RP1: variants seen among roughly 807,000 people sequenced by gnomAD.
RP1 encodes oxygen-regulated protein 1.
In RP1, 16 loss-of-function variants were observed where a neutral mutation model predicts 14.8. The ratio of observed to expected loss-of-function variants is 1.08; its 90% CI spans 0.73 to 1.65. RP1 has a LOEUF of 1.65. Ranked by LOEUF, RP1 falls within the 40% of genes most tolerant of loss-of-function variation. The probability of loss-of-function intolerance (pLI) is 0.00; values close to 1 mark genes in which losing one functional copy is unlikely to be tolerated. For synonymous variants in RP1, 876 were observed against 883.6 expected, an observed-to-expected ratio of 0.99 and a Z score of 0.15; for missense variants, 2,631 against 2,535.0, an observed-to-expected ratio of 1.04 and a Z score of -0.81.
intron 24 of RP1, among the ~76,000 whole-genome samples, chr8:54,788,613 C>A (rs1217280667): frequency 6.6e-6 from 1 of 152,110 alleles, no homozygotes; most frequent in East Asian, 1.9e-4. Context: ...ATCCTAGGGA[C>A]AATTTAACTT....
At chr8:54,610,458 C>T (rs1037865017) in intron 1 of RP1, among the ~76,000 whole-genome samples, 1 of 152,150 alleles carries the variant, frequency 6.6e-6, no homozygotes, top group Non-Finnish European at 1.5e-5. Context: ...CAGTGCATCA[C>T]GTTTATACCT....
rs575855591 is a variant in RP1, at chr8:54,625,215, C to T, written c.1333C>T (p.Arg445Cys). The part of the protein sequence containing the change: ...IQGTQDQAKH[R>C]FYRPPTPGLR... ...GGGAACTCAAGACCAAGCAAAGCATCGTTTTTATAGGCCCCCTACACCTGG... is the reference window on the plus strand; with the variant it reads ...GGGAACTCAAGACCAAGCAAAGCATTGTTTTTATAGGCCCCCTACACCTGG... The change falls in exon 4 of 4, where the codon CGT (arginine) becomes TGT (cysteine). Residue 445 changes from arginine to cysteine, a missense_variant. Coordinates refer to ENST00000220676, the MANE Select transcript of RP1 (RefSeq NM_006269.2). The T allele has an allele frequency of 1.2e-5, 20 of 1,614,092 alleles. No homozygotes were observed. The highest frequency in any genetic ancestry group is 2.2e-5 in the South Asian group (2 of 91,068).
intron 1 of RP1, among the ~76,000 whole-genome samples, chr8:54,601,835 A>G (rs1384998710): frequency 3.9e-5 from 6 of 152,228 alleles, no homozygotes; most frequent in African/African-American, 1.4e-4. Context: ...GCCATAAAAG[A>G]TCACATATGG....
In RP1 at chr8:54,618,158, C is replaced by A. The variant is rs530354534; in HGVS notation, c.-13+1956C>A. On this transcript the variant is annotated intron_variant, in intron 1 of 3. Coordinates refer to ENST00000220676, the MANE Select transcript of RP1 (RefSeq NM_006269.2). ...GGCAACCACGTGTTGGATGCACCTT[C>A]TCTGCAAATGCTCCTCCACTGCTGG... is the stretch of plus-strand genomic sequence containing the variant. Among the ~76,000 whole-genome samples the A allele has an allele frequency of 2.6e-5, 4 of 152,326 alleles. No individual in the cohort carries two copies. The East Asian group carries it at 7.7e-4, about 29-fold the overall frequency.
At chr8:54,726,454 T>A (rs1263273852) in exon 17 of RP1, 1 of 1,530,488 alleles carries the variant, frequency 6.5e-7, no homozygotes, top group Non-Finnish European at 8.7e-7. Context: ...AGGCTAGGAG[T>A]CCCTTACCTT....
At position 54,625,344 on chromosome 8, in the gene RP1, G is replaced by T; in HGVS notation, c.1462G>T (p.Glu488Ter). 3 of 1,614,172 alleles carry T rather than the reference G, an allele frequency of 1.9e-6. No individual in the cohort carries two copies. The highest frequency in any genetic ancestry group is 2.5e-6 in the Non-Finnish European group (3 of 1,180,034). ...KMIGQFSYSEERESGENKSEY... is the reference protein window; with the variant it reads ...KMIGQFSYSE ...GATTGGACAGTTTTCATATAGTGAA[G>T]AAAGGGAAAGTGGGGAAAACAAGTC... The change falls in exon 4 of 4, where the codon GAA (glutamate) becomes TAA (stop). Residue 488 changes from glutamate (E) to a stop codon, truncating the protein, a stop_gained. Coordinates refer to ENST00000220676, the MANE Select transcript of RP1 (RefSeq NM_006269.2). LOFTEE classifies it low-confidence loss of function (END_TRUNC).
intron 12 of RP1, chr8:54,696,636 A>AATTGCCAG: frequency 1.2e-6 from 1 of 830,182 alleles, no homozygotes; most frequent in Non-Finnish European, 1.9e-6. Context: ...CATGCCTTAG[A>AATTGCCAG]ATTGCCAGAT....
At chr8:54,767,983 C>T (rs533990438) in intron 22 of RP1, among the ~76,000 whole-genome samples, 9 of 152,200 alleles carry the variant, frequency 5.9e-5, no homozygotes, top group Non-Finnish European at 1.2e-4. Flanking sequence ...TTATACCCCA[C>T]ACCTTCCCAT....
intron 1 of RP1, among the ~76,000 whole-genome samples, chr8:54,619,166 A>G (rs573967539): frequency 3.9e-5 from 6 of 152,338 alleles, no homozygotes; most frequent in African/African-American, 1.2e-4. Flanking sequence ...TGGCTTAAGT[A>G]TTATAATTAC....
intron 1 of RP1, among the ~76,000 whole-genome samples, chr8:54,600,844 G>A (rs917116787): frequency 6.6e-6 from 1 of 152,064 alleles, no homozygotes; most frequent in Non-Finnish European, 1.5e-5. Flanking sequence ...GTGTTTTTTG[G>A]TCACTGGCTT....
intron 24 of RP1, among the ~76,000 whole-genome samples, chr8:54,806,041 C>T (rs1810842596): frequency 6.6e-6 from 1 of 151,818 alleles, no homozygotes; most frequent in South Asian, 2.1e-4. Context: ...TTTTTTGAGA[C>T]AGAGTCACAC....
At chr8:54,728,479 ATGTT>A (rs1216903763) in intron 17 of RP1, among the ~76,000 whole-genome samples, 2 of 152,210 alleles carry the variant, frequency 1.3e-5, no homozygotes, top group Non-Finnish European at 2.9e-5. Flanking sequence ...GAATGAGACT[ATGTT>A]TGTCCACCCA....
intron 17 of RP1, among the ~76,000 whole-genome samples, chr8:54,728,833 A>G (rs1808723659): frequency 6.6e-6 from 1 of 152,126 alleles, no homozygotes; most frequent in Non-Finnish European, 1.5e-5. Flanking sequence ...TTAAACACAC[A>G]CAAAGGTAGA....
intron 3 of RP1, among the ~76,000 whole-genome samples, chr8:54,643,157 T>G (rs985951954): frequency 1.3e-5 from 2 of 152,204 alleles, no homozygotes; most frequent in Non-Finnish European, 2.9e-5. Flanking sequence ...TTTTACCATT[T>G]GGGTTATAAC....
chr8:54,574,228 T>C (rs1004481395), intron 1 of RP1, among the ~76,000 whole-genome samples: 13 of 152,150 alleles, frequency 8.5e-5, no homozygotes, highest in Non-Finnish European at 1.5e-5. Context: ...GCCCTGGTAG[T>C]GTACATATCA....
At chr8:54,581,320 A>G (rs1804787099) in intron 1 of RP1, among the ~76,000 whole-genome samples, 1 of 152,122 alleles carries the variant, frequency 6.6e-6, no homozygotes, top group African/African-American at 2.4e-5. Context: ...CCATGTCCCT[A>G]CGAAGGACAT....
At chr8:54,784,537 A>C (rs1390050771) in intron 24 of RP1, among the ~76,000 whole-genome samples, 1 of 152,136 alleles carries the variant, frequency 6.6e-6, no homozygotes, top group African/African-American at 2.4e-5. Context: ...TTTTAACCTT[A>C]GCTTTCCTCT....
chr8:54,848,226 G>C (rs1057011808), intron 25 of RP1, among the ~76,000 whole-genome samples: 5 of 152,090 alleles, frequency 3.3e-5, no homozygotes, highest in African/African-American at 1.2e-4. Flanking sequence ...GCAGCAGGTG[G>C]AGCTTAGGAG....
intron 24 of RP1, among the ~76,000 whole-genome samples, chr8:54,789,919 A>G (rs897112593): frequency 6.6e-6 from 1 of 152,166 alleles, no homozygotes; most frequent in Non-Finnish European, 1.5e-5. Flanking sequence ...AGCTAACCCC[A>G]ACTGCAGAGC....
Sources: gnomAD v4.1 joint callset for allele counts (sites outside exome capture counted in the v4.1 genomes callset) on GRCh38, gnomAD v4.1.1 for gene constraint, MANE v1.5 for transcripts, NCBI Gene and HGNC (gene_info 2026-07-23, HGNC 2026-07-21) for gene names.